MPDZ: variants seen among roughly 807,000 people sequenced by gnomAD.
The protein encoded by MPDZ is multiple PDZ domain protein.
In MPDZ, 234 loss-of-function variants were observed where a neutral mutation model predicts 239.1. That is an observed-to-expected ratio of 0.98 (90% CI 0.88 to 1.09). The LOEUF (loss-of-function observed/expected upper bound fraction) is 1.09. MPDZ is among the 50% of genes least tolerant of loss of function. The pLI is 0.00. For missense variants in MPDZ, 3,175 were observed against 2,510.0 expected (o/e 1.26, Z -5.66); for synonymous variants, 1,048 against 881.3 (o/e 1.19, Z -3.35).
chr9:13,218,597 G>C (rs1958661250), intron 8 of MPDZ, among the ~76,000 whole-genome samples: 1 of 151,778 alleles, frequency 6.6e-6, no homozygotes, highest in Non-Finnish European at 1.5e-5. Flanking sequence ...CAGAATCATG[G>C]AAATTACAAG....
At chr9:13,119,218 G>C (rs1943958050) in intron 39 of MPDZ, among the ~76,000 whole-genome samples, 1 of 152,018 alleles carries the variant, frequency 6.6e-6, no homozygotes, top group African/African-American at 2.4e-5. Context: ...TGAGTAGCTG[G>C]GACTATAGGC....
At chr9:13,198,822 T>C (rs1956025434) in intron 12 of MPDZ, among the ~76,000 whole-genome samples, 1 of 148,254 alleles carries the variant, frequency 6.7e-6, no homozygotes. Context: ...TGAAGTCTGT[T>C]GGTGTGATGC....
At position 13,222,253 on chromosome 9, in the gene MPDZ, T is replaced by C. The variant is rs1267345008; in HGVS notation, c.727A>G (p.Ile243Val). 1 of 1,612,510 alleles carries C rather than the reference T, an allele frequency of 6.2e-7. No homozygotes were observed. The highest frequency in any genetic ancestry group is 8.5e-7 in the Non-Finnish European group (1 of 1,179,026). Residue 243 changes from isoleucine (I) to valine (V), a missense_variant, in exon 6 of 47, where the codon ATT becomes GTT. Transcript: ENST00000319217. ...VSRSPSAAST[I>V]SAHSNPVHWQ... ...CTCACCGGATTAGAGTGAGCTGAAA[T>C]TGTGCTGGCTGCAGATGGAGAACGG...
intron 3 of MPDZ, among the ~76,000 whole-genome samples, chr9:13,233,636 G>A (rs938478417): frequency 6.6e-6 from 1 of 152,004 alleles, no homozygotes; most frequent in African/African-American, 2.4e-5. Context: ...TTTAATGTAT[G>A]TTATTTCTCA....
intron 1 of MPDZ, among the ~76,000 whole-genome samples, chr9:13,270,555 CTT>C (rs563772281): frequency 9.4e-5 from 13 of 138,962 alleles, no homozygotes; most frequent in East Asian, 2.1e-4. Flanking sequence ...TTTTGGAGAG[CTT>C]TTTTTTTTTT....
intron 24 of MPDZ, among the ~76,000 whole-genome samples, chr9:13,151,301 C>A (rs927906448): frequency 1.3e-5 from 2 of 152,060 alleles, no homozygotes; most frequent in East Asian, 3.9e-4. Flanking sequence ...AGCAATTCCA[C>A]TTGTGGGTAT....
chr9:13,189,375 A>G (rs1328440485), intron 16 of MPDZ, among the ~76,000 whole-genome samples: 1 of 152,124 alleles, frequency 6.6e-6, no homozygotes, highest in Admixed American at 6.6e-5. Flanking sequence ...ACTGTATGGA[A>G]CATCAACTCA....
In MPDZ at chr9:13,188,884, T is replaced by C. The variant is rs761039217; in HGVS notation, c.2264A>G (p.Asn755Ser). 43 of 1,613,436 alleles carry C rather than the reference T, an allele frequency of 2.7e-5. No homozygotes were observed. The Admixed American group carries it at 5.5e-4, about 21-fold the overall frequency. Residue 755 changes from asparagine to serine, a missense_variant, in exon 17 of 47, where the codon AAC (asparagine) becomes AGC (serine). By Grantham distance (46) the Asn-to-Ser change is conservative (BLOSUM62 1). Coordinates refer to ENST00000319217, the MANE Select transcript of MPDZ (RefSeq NM_001378778.1). ...ACTGCTGTTTTCCAAGTTAACATCG[T>C]TTACAAACATGAGTCGGTCACCAGG... Reference protein sequence around the residue: ...LLPGDRLMFVNDVNLENSSLE... With the variant: ...LLPGDRLMFVSDVNLENSSLE...
chr9:13,123,963 T>A (rs542841735), intron 35 of MPDZ, among the ~76,000 whole-genome samples: 19 of 152,294 alleles, frequency 1.2e-4, no homozygotes, highest in South Asian at 2.1e-4. Flanking sequence ...AAGAATAGAT[T>A]ATGAGAAAAG....
At chr9:13,157,889 G>A (rs1239306123) in intron 24 of MPDZ, 129 bp downstream of exon 24, 1 of 732,996 alleles carries the variant, frequency 1.4e-6, no homozygotes, top group Non-Finnish European at 2.4e-6. Context: ...AAAATGATGG[G>A]TTAGAAGTAT....
intron 21 of MPDZ, among the ~76,000 whole-genome samples, chr9:13,171,882 A>C (rs969818083): frequency 3.9e-5 from 6 of 152,188 alleles, no homozygotes; most frequent in Admixed American, 2.6e-4. Context: ...CTATGAATCT[A>C]AGAAAATGAG....
chr9:13,151,996 C>T (rs1329358023), intron 24 of MPDZ, among the ~76,000 whole-genome samples: 1 of 152,064 alleles, frequency 6.6e-6, no homozygotes, highest in Non-Finnish European at 1.5e-5. Context: ...TGGACTCATA[C>T]TCCAGGCTGT....
chr9:13,155,513 C>A (rs933213306), intron 24 of MPDZ, among the ~76,000 whole-genome samples: 60 of 151,948 alleles, frequency 3.9e-4, no homozygotes, highest in African/African-American at 1.4e-3. Context: ...CTTTAAGTAT[C>A]AAGCTTGATA....
At chr9:13,182,641 G>A (rs1234314388) in intron 19 of MPDZ, among the ~76,000 whole-genome samples, 3 of 151,964 alleles carry the variant, frequency 2.0e-5, no homozygotes, top group African/African-American at 7.2e-5. Flanking sequence ...TTGATGAAAA[G>A]TGAAAAACAA....
chr9:13,163,680 G>T (rs1054766210), intron 22 of MPDZ, among the ~76,000 whole-genome samples: 2 of 152,078 alleles, frequency 1.3e-5, no homozygotes. Context: ...AATACAGCAT[G>T]TTTGTGCAAC....
At chr9:13,171,754 C>T (rs1951811485) in intron 21 of MPDZ, among the ~76,000 whole-genome samples, 2 of 152,134 alleles carry the variant, frequency 1.3e-5, no homozygotes, top group African/African-American at 4.8e-5. Context: ...TGGATTATGA[C>T]AGCCTTTACA....
chr9:13,217,296 TA>T lies in MPDZ; in HGVS notation c.1087-3del. On this transcript the variant is annotated splice_polypyrimidine_tract_variant and splice_region_variant and intron_variant, in intron 8 of 46. Transcript: ENST00000319217. ...ACCTTTCTGAGTAGAAGCATCAACCTAAAATAAAATCAATAAATATACAGTG... is the reference window on the plus strand; with the variant it reads ...ACCTTTCTGAGTAGAAGCATCAACCTAAATAAAATCAATAAATATACAGTG... The T allele has an allele frequency of 6.5e-7, 1 of 1,549,382 alleles. No homozygotes were observed. Among genetic ancestry groups the T allele is most frequent in the Admixed American group, 1.8e-5 (1 of 54,280 alleles).
chr9:13,222,106 A>C (rs1959169310), intron 6 of MPDZ, 127 bp downstream of exon 6: 1 of 647,984 alleles, frequency 1.5e-6, no homozygotes, highest in South Asian at 3.2e-5. Context: ...AGGCTGGGGA[A>C]AAATAAAAGA....
intron 11 of MPDZ, 117 bp from the exon 12 acceptor site, chr9:13,205,224 A>G (rs1430216796): frequency 2.1e-5 from 11 of 526,172 alleles, no homozygotes; most frequent in Non-Finnish European, 3.5e-5. Context: ...TCAGAGATAA[A>G]CTTCTCAATA....
Sources: gnomAD v4.1 joint callset for allele counts (sites outside exome capture counted in the v4.1 genomes callset) on GRCh38, gnomAD v4.1.1 for gene constraint, MANE v1.5 for transcripts, NCBI Gene and HGNC (gene_info 2026-07-23, HGNC 2026-07-21) for gene names.